Variants in GNPTG observed in about 807,000 individuals in gnomAD.
GNPTG encodes the protein N-acetylglucosamine-1-phosphate transferase subunit gamma.
A neutral mutation model predicts 43.8 loss-of-function variants in GNPTG; 46 were observed. That is an observed-to-expected ratio of 1.05 (90% CI 0.83 to 1.34). The LOEUF (loss-of-function observed/expected upper bound fraction) is 1.34, where lower values mean the gene tolerates loss of function less well. Among genes scored for constraint, GNPTG ranks in the 40% most tolerant of loss-of-function variants. GNPTG has a pLI of 0.00. For synonymous variants in GNPTG, 250 were observed against 172.8 expected (o/e 1.45, Z -3.50); for missense variants, 549 against 411.3 (o/e 1.33, Z -2.90).
At chr16:1,354,569 G>GAGCA (rs1177527019) in intron 3 of GNPTG, among the ~76,000 whole-genome samples, 1 of 84,800 alleles carries the variant, frequency 1.2e-5, no homozygotes, top group Non-Finnish European at 2.2e-5. Context: ...CTGGGTGACA[G>GAGCA]AGCAAGACTT....
In GNPTG at chr16:1,363,181, T is replaced by A; in HGVS notation, c.*90T>A. The A allele has an allele frequency of 9.1e-7, 1 of 1,104,716 alleles. No homozygotes were observed. Among genetic ancestry groups the A allele is most frequent in the Non-Finnish European group, 1.4e-6 (1 of 739,678 alleles). 68.4% of individuals were successfully genotyped at this position (1,104,716 alleles called of 1,614,324 possible). ...CCCGCAGGGACCAGCTGACCAGGCT[T>A]GTGCTCAGAGAAGCAGACAAAACAA... On this transcript the variant is annotated 3_prime_UTR_variant, in exon 11 of 11. Transcript: ENST00000204679.
chr16:1,360,735 C>T (rs112402119), intron 3 of GNPTG: 7,000 of 152,292 alleles, frequency 0.046, 211 homozygotes, highest in South Asian at 0.086. Context: ...GAAACCAGTC[C>T]CTGGTGCCAA....
rs143490078 is a variant in GNPTG, at chr16:1,362,508, C to T, written c.583C>T (p.Leu195=). ...QRQWDQVEQD[L]ADELITPQGH... is the part of the protein sequence containing the mutation. ...GCAGTGGGACCAGGTAGAGCAGGAC[C>T]TGGCCGATGAGCTGATCACCCCCCA... The change falls in exon 8 of 11, where the codon CTG becomes TTG. Residue 195 remains leucine, a synonymous_variant. Transcript: ENST00000204679. The T allele has an allele frequency of 3.7e-6, 6 of 1,614,152 alleles. No individual in the cohort carries two copies. The highest frequency in any genetic ancestry group is 2.7e-5 in the African/African-American group (2 of 75,050).
intron 3 of GNPTG, among the ~76,000 whole-genome samples, chr16:1,355,786 G>A (rs1191522448): frequency 6.6e-6 from 1 of 152,058 alleles, no homozygotes; most frequent in Non-Finnish European, 1.5e-5. Flanking sequence ...GGGAGGAGTA[G>A]AGTGGCCCCG....
intron 3 of GNPTG, among the ~76,000 whole-genome samples, chr16:1,354,317 G>C (rs1012931580): frequency 1.3e-5 from 2 of 152,068 alleles, no homozygotes; most frequent in Non-Finnish European, 2.9e-5. Context: ...GGTCGTGGTG[G>C]TGCGTGCATG....
At chr16:1,355,046 T>C (rs1201800546) in intron 3 of GNPTG, among the ~76,000 whole-genome samples, 2 of 150,696 alleles carry the variant, frequency 1.3e-5, no homozygotes, top group African/African-American at 2.5e-5. Context: ...CGGGGTCGGG[T>C]GTGGATGGTC....
Position 1,352,265 on chromosome 16 carries a change from C to G in GNPTG, c.137C>G (p.Ala46Gly). The change falls in exon 3 of 11, where the codon GCC becomes GGC. Residue 46 changes from alanine (A) to glycine (G), a missense_variant. By Grantham distance (60) the Ala-to-Gly change is moderately conservative (BLOSUM62 0). Transcript: ENST00000204679. ...FGVNNPFLPQASRLQAKRDPS... is the reference protein window; with the variant it reads ...FGVNNPFLPQGSRLQAKRDPS... ...GTGAACAACCCGTTCTTGCCTCAGG[C>G]CAGTCGCCTCCAGGCCAAGAGGGAT... 6.5e-7 allele frequency: 1 copy of G among 1,548,456 alleles called. No homozygotes were observed. Among genetic ancestry groups the G allele is most frequent in the Non-Finnish European group, 8.7e-7 (1 of 1,146,852 alleles).
At position 1,363,567 on chromosome 16, in the gene GNPTG, C is replaced by A; in HGVS notation, c.*476C>A. On this transcript the variant is annotated 3_prime_UTR_variant, in exon 11 of 11. Transcript: ENST00000204679. The stretch of plus-strand genomic sequence containing the variant: ...AACAAGAACATGCAGAGCCGGCCGC[C>A]AGCCAGCTCCTACGCCCCGTGCCCG... 1 of 223,428 alleles carries A rather than the reference C, an allele frequency of 4.5e-6. No homozygotes were observed. The highest frequency in any genetic ancestry group is 9.1e-6 in the Non-Finnish European group (1 of 109,610). The allele number at this position is 223,428 out of a possible 1,614,324, so 13.8% of individuals were successfully genotyped here.
Position 1,362,200 on chromosome 16 carries a change from C to A in GNPTG, c.412-6C>A, listed in dbSNP as rs747713846. 15 of 1,613,530 alleles carry A rather than the reference C, an allele frequency of 9.3e-6. No individual in the cohort carries two copies. The highest frequency in any genetic ancestry group is 2.2e-5 in the South Asian group (2 of 91,086). On this transcript the variant is annotated splice_region_variant and splice_polypyrimidine_tract_variant and intron_variant, in intron 6 of 10. Coordinates refer to ENST00000204679, the MANE Select transcript of GNPTG (RefSeq NM_032520.5). ...CCCAACCCACCTACCCACGTTCCCT[C>A]CCCAGGTGGAGCTGGCGTGTGGAAA...
At chr16:1,359,970 G>T (rs1401450827) in intron 3 of GNPTG, among the ~76,000 whole-genome samples, 1 of 152,086 alleles carries the variant, frequency 6.6e-6, no homozygotes, top group East Asian at 1.9e-4. Context: ...TTAGCCAGCC[G>T]TGATGGCAGG....
In GNPTG at chr16:1,362,785, G is replaced by C. The variant is rs138332265; in HGVS notation, c.742-40G>C. ...GGTGGTGGCACGCAGTAGCCCTCCA[G>C]CACCTGGGCTTTCCCTTGAACTCTT... On this transcript the variant is annotated intron_variant, in intron 9 of 10. Coordinates refer to ENST00000204679, the MANE Select transcript of GNPTG (RefSeq NM_032520.5). The C allele has an allele frequency of 5.6e-6, 9 of 1,614,102 alleles. No homozygotes were observed. The East Asian group carries it at 1.3e-4, about 24-fold the overall frequency.
In GNPTG at chr16:1,352,010, G is replaced by T. The variant is rs1596603351; in HGVS notation, c.45G>T (p.Ser15=). ...GGCTCCTGTTGCTCCTCGGGCTCTC[G>T]GCCGGCGGTGAGTGGCCCGGCCGTC... ...LARLLLLLGL[S]AGGPAPAGAA... The change falls in exon 1 of 11, where the codon TCG becomes TCT. Residue 15 remains serine, a synonymous_variant. Transcript: ENST00000204679. 3 of 1,462,772 alleles carry T rather than the reference G, an allele frequency of 2.1e-6. No homozygotes were observed. The allele number at this position is 1,462,772 out of a possible 1,614,324, so 90.6% of individuals were successfully genotyped here.
chr16:1,351,932 C>T lies in GNPTG; in HGVS notation c.-34C>T, dbSNP rs993673873. The T allele has an allele frequency of 6.3e-6, 8 of 1,276,448 alleles. No homozygotes were observed. Among genetic ancestry groups the T allele is most frequent in the East Asian group, 6.5e-5 (2 of 30,802 alleles). The allele number at this position is 1,276,448 out of a possible 1,614,324, so 79.1% of individuals were successfully genotyped here. On this transcript the variant is annotated 5_prime_UTR_variant, in exon 1 of 11. Transcript: ENST00000204679. ...GGTCCCCGTGGTCACGTGACCGTCA[C>T]TTCACGTGACCGCGCGGCGGCCGCT...
chr16:1,362,145 C>A lies in GNPTG; in HGVS notation c.411+14C>A, dbSNP rs781337088. On this transcript the variant is annotated intron_variant, in intron 6 of 10. Transcript: ENST00000204679. ...CGGCAGAGCAAGGTGGGGCCTCAGA[C>A]GGGAGCCCGGGAAGAGGGGCCCCAG... 4 of 1,612,262 alleles carry A rather than the reference C, an allele frequency of 2.5e-6. No homozygotes were observed. Among genetic ancestry groups the A allele is most frequent in the South Asian group, 2.2e-5 (2 of 90,968 alleles).
chr16:1,359,216 T>G (rs1161464919), intron 3 of GNPTG, among the ~76,000 whole-genome samples: 1 of 152,212 alleles, frequency 6.6e-6, no homozygotes, highest in East Asian at 1.9e-4. Context: ...ATACGTGGTT[T>G]GCCAGTGTTT....
rs754928775 is a variant in GNPTG at position 1,362,731 on chromosome 16, A to C, written c.730A>C (p.Asn244His). Residue 244 changes from asparagine to histidine, a missense_variant, in exon 9 of 11, where the codon AAC (asparagine) becomes CAC (histidine). Physicochemically the swap from Asn to His is moderately conservative, Grantham distance 68 (BLOSUM62 1). Transcript: ENST00000204679. ...CAGCTTGGGGTTTGAGACCCTGGAA[A>C]ACTGCAGGAAGGTACCGTATTGGGG... ...PDSLGFETLE[N>H]CRKAHKELSK... 1.2e-6 allele frequency: 2 copies of C among 1,614,100 alleles called. No homozygotes were observed. Among genetic ancestry groups the C allele is most frequent in the Admixed American group, 1.7e-5 (1 of 60,028 alleles).
intron 3 of GNPTG, among the ~76,000 whole-genome samples, chr16:1,356,462 CAGG>C (rs949999462): frequency 1.3e-5 from 2 of 152,162 alleles, no homozygotes; most frequent in Non-Finnish European, 2.9e-5. Flanking sequence ...CCACCTGTCT[CAGG>C]AGGACAGGCT....
chr16:1,356,005 GTGTGGGGGT>G (rs572009017), intron 3 of GNPTG, among the ~76,000 whole-genome samples: 1 of 152,110 alleles, frequency 6.6e-6, no homozygotes, highest in South Asian at 2.1e-4. Context: ...TCTTGGTGGC[GTGTGGGGGT>G]TGTGGAGGTT....
At chr16:1,357,193 T>C (rs561181137) in intron 3 of GNPTG, among the ~76,000 whole-genome samples, 24 of 152,258 alleles carry the variant, frequency 1.6e-4, no homozygotes, top group African/African-American at 5.1e-4. Flanking sequence ...CAGATGGTAT[T>C]TGACAAGGAA....
Sources: gnomAD v4.1 joint callset for allele counts (sites outside exome capture counted in the v4.1 genomes callset) on GRCh38, gnomAD v4.1.1 for gene constraint, MANE v1.5 for transcripts, NCBI Gene and HGNC (gene_info 2026-07-23, HGNC 2026-07-21) for gene names.